Variants in RAB3IL1 observed in about 807,000 individuals in gnomAD.
RAB3IL1 encodes RAB3A interacting protein like 1.
Under a neutral mutation model 49.2 loss-of-function variants are expected in RAB3IL1, and 37 were observed. The observed-to-expected ratio is 0.75, with a 90% confidence interval of 0.58 to 0.99. The LOEUF is 0.99. Ranked by LOEUF, RAB3IL1 falls within the 50% of genes least tolerant of loss-of-function variation. The probability of loss-of-function intolerance (pLI) is 0.00; values close to 1 mark genes in which losing one functional copy is unlikely to be tolerated. For missense variants in RAB3IL1, 484 were observed against 513.0 expected (o/e 0.94, Z 0.55); for synonymous variants, 193 against 213.9 (o/e 0.90, Z 0.85).
rs1270975762 is a variant in RAB3IL1, at chr11:61,906,458, A to G, written c.657+8T>C. 4 of 1,540,520 alleles carry G rather than the reference A, an allele frequency of 2.6e-6. No homozygotes were observed. In the Admixed American group the frequency reaches 7.9e-5, roughly 30 times the overall value. ...TCCCCGTGCCCAGAGCCCGCTTCCC[A>G]CCCTCACCTCCTTGCCCTCTCTGTC... is the stretch of plus-strand genomic sequence containing the variant. On this transcript the variant is annotated splice_region_variant and intron_variant, in intron 5 of 9. Transcript: ENST00000394836. The surrounding 1 kb of genome is among the most constrained non-coding windows in gnomAD (Gnocchi z 4.6).
intron 1 of RAB3IL1, among the ~76,000 whole-genome samples, chr11:61,913,441 G>C (rs984281853): frequency 1.3e-5 from 2 of 152,154 alleles, no homozygotes; most frequent in Admixed American, 6.5e-5. Context: ...GAGAAGGTCA[G>C]GAACAGCTGG....
Position 61,897,336 on chromosome 11 carries a change from C to T in RAB3IL1, c.*942G>A, listed in dbSNP as rs74780767. On this transcript the variant is annotated 3_prime_UTR_variant, in exon 10 of 10. Coordinates refer to ENST00000394836, the MANE Select transcript of RAB3IL1 (RefSeq NM_013401.4). ...GCCTGCCTTTATTAAATAGAGATCGCGTTACATTCCATCCAAAGAAGGAAA... is the reference window on the plus strand; with the variant it reads ...GCCTGCCTTTATTAAATAGAGATCGTGTTACATTCCATCCAAAGAAGGAAA... 5.4e-3 allele frequency: 820 copies of T among 152,858 alleles called. 14 individuals carry two copies. The highest frequency in any genetic ancestry group is 0.019 in the African/African-American group (780 of 41,562). The allele number at this position is 152,858 out of a possible 1,614,324, so 9.5% of individuals were successfully genotyped here.
chr11:61,903,063 C>A (rs761505913), intron 7 of RAB3IL1, among the ~76,000 whole-genome samples: 2 of 152,136 alleles, frequency 1.3e-5, no homozygotes, highest in Admixed American at 6.6e-5. Flanking sequence ...CTCCTCCCCC[C>A]AGTCCTGCAT....
chr11:61,927,477 G>C, the RAB3IL1 span, among the ~76,000 whole-genome samples: 1 of 152,166 alleles, frequency 6.6e-6, no homozygotes, highest in Non-Finnish European at 1.5e-5. Flanking sequence ...TAGACTTAAG[G>C]TTAGGAGTCT....
At chr11:61,903,649 G>A (rs1030946544) in intron 7 of RAB3IL1, among the ~76,000 whole-genome samples, 2 of 151,810 alleles carry the variant, frequency 1.3e-5, no homozygotes, top group Admixed American at 1.3e-4. Context: ...TCAGCCTCCC[G>A]AGCAGCTGAG....
chr11:61,900,710 T>G (rs1054634222), intron 8 of RAB3IL1, among the ~76,000 whole-genome samples: 1 of 152,152 alleles, frequency 6.6e-6, no homozygotes, highest in African/African-American at 2.4e-5. Context: ...CCCACATGTC[T>G]TGGTCTTTCA....
At position 61,902,538 on chromosome 11, in the gene RAB3IL1, T is replaced by A. The variant is rs527256903; in HGVS notation, c.903A>T (p.Thr301=). The change falls in exon 8 of 10, where the codon ACA becomes ACT. Residue 301 remains threonine (T), a synonymous_variant. Transcript: ENST00000394836. ...TGCGGGTCAGCCCGCTCAGGGCACA[T>A]GTGCTAGGGGAAAGCAAAATGGGTC... The part of the protein sequence containing the change: ...VAEVDCSSTN[T]CALSGLTRTC... The A allele has an allele frequency of 1.9e-6, 3 of 1,596,602 alleles. No homozygotes were observed. The highest frequency in any genetic ancestry group is 1.3e-5 in the African/African-American group (1 of 74,872).
At chr11:61,918,133 T>G (rs540939986), upstream of RAB3IL1, among the ~76,000 whole-genome samples, 8 of 152,118 alleles carry the variant, frequency 5.3e-5, no homozygotes, top group African/African-American at 1.9e-4. Context: ...TGGATAGTAT[T>G]CCCCACCCCA....
intron 2 of RAB3IL1, 127 bp from the exon 3 acceptor site, chr11:61,907,787 T>C: frequency 1.0e-6 from 1 of 956,232 alleles, no homozygotes; most frequent in Non-Finnish European, 1.6e-6. Flanking sequence ...TTATTTCCTC[T>C]GGTGCCTGAC....
Position 61,909,355 on chromosome 11 carries a change from C to T in RAB3IL1, c.12-1049G>A, listed in dbSNP as rs1281553254. ...AGGCAAGTCTGTGGACCAGTCTCCC[C>T]TCCCTGTCCTCAGGACCTTGGGAAG... On this transcript the variant is annotated intron_variant, in intron 1 of 9. Coordinates refer to ENST00000394836, the MANE Select transcript of RAB3IL1 (RefSeq NM_013401.4). 2.0e-5 allele frequency among the ~76,000 whole-genome samples: 3 copies of T among 152,150 alleles called. No individual in the cohort carries two copies. The East Asian group carries it at 5.8e-4, about 29-fold the overall frequency.
At position 61,898,412 on chromosome 11, in the gene RAB3IL1, G is replaced by A. The variant is rs776670145; in HGVS notation, c.1067-52C>T. 1 of 1,504,848 alleles carries A rather than the reference G, an allele frequency of 6.6e-7. No homozygotes were observed. Among genetic ancestry groups the A allele is most frequent in the Non-Finnish European group, 9.2e-7 (1 of 1,084,472 alleles). The allele number at this position is 1,504,848 out of a possible 1,614,324, so 93.2% of individuals were successfully genotyped here. A position where few individuals can be genotyped will look rare whatever the true frequency, so the allele number is the denominator to read the frequency against. Reference sequence around the variant, plus strand: ...TCGGGGACAGCTCAGGGTCACCTCGGGCAGATGGCCAGGTCCCCTCCTGTG... The same window carrying A: ...TCGGGGACAGCTCAGGGTCACCTCGAGCAGATGGCCAGGTCCCCTCCTGTG... On this transcript the variant is annotated intron_variant, in intron 9 of 9. Transcript: ENST00000394836. This position sits in a 1 kb window ranked among gnomAD's most constrained non-coding sequence, Gnocchi z 5.1.
chr11:61,926,476 T>TG, the RAB3IL1 span, among the ~76,000 whole-genome samples: 63 of 152,310 alleles, frequency 4.1e-4, no homozygotes, highest in Non-Finnish European at 8.2e-4. Context: ...GTGGGCCTTG[T>TG]GGGAGGTGTT....
chr11:61,934,293 G>A, the RAB3IL1 span, among the ~76,000 whole-genome samples: 1 of 144,684 alleles, frequency 6.9e-6, no homozygotes, highest in East Asian at 2.0e-4. Context: ...ACAAGTATGA[G>A]CCACTGTGCC....
chr11:61,930,628 A>G, the RAB3IL1 span, among the ~76,000 whole-genome samples: 1 of 152,052 alleles, frequency 6.6e-6, no homozygotes, highest in African/African-American at 2.4e-5. Context: ...AAAATCAAAA[A>G]TTAGCCAGGC....
At chr11:61,903,932 C>A (rs1431845251) in intron 7 of RAB3IL1, among the ~76,000 whole-genome samples, 1 of 152,014 alleles carries the variant, frequency 6.6e-6, no homozygotes, top group African/African-American at 2.4e-5. Flanking sequence ...AATTCCCTGT[C>A]CCCCCACTGC....
chr11:61,907,768 G>C lies in RAB3IL1; in HGVS notation c.265-108C>G, dbSNP rs1591228097. The C allele has an allele frequency of 5.7e-6, 6 of 1,060,888 alleles. No homozygotes were observed. The East Asian group carries it at 1.5e-4, about 27-fold the overall frequency. 65.7% of individuals were successfully genotyped at this position (1,060,888 alleles called of 1,614,324 possible). On this transcript the variant is annotated intron_variant, in intron 2 of 9. Transcript: ENST00000394836. ...CCATCCCCTCGTCATTTTATGTGGG[G>C]CTCAGAGTTTATTTCCTCTGGTGCC...
In RAB3IL1 at chr11:61,907,557, C is replaced by A; in HGVS notation, c.360+8G>T. ...TCCCCAAGTTGTTCCCGCGCCCAGC[C>A]GGTGTACCTCAAACAGGCTGGCCGT... On this transcript the variant is annotated splice_region_variant and intron_variant, in intron 3 of 9. Coordinates refer to ENST00000394836, the MANE Select transcript of RAB3IL1 (RefSeq NM_013401.4). 6.2e-7 allele frequency: 1 copy of A among 1,614,080 alleles called. No homozygotes were observed. Among genetic ancestry groups the A allele is most frequent in the Non-Finnish European group, 8.5e-7 (1 of 1,179,978 alleles).
In RAB3IL1 at chr11:61,899,396, G is replaced by T; in HGVS notation, c.1000-16C>A. 1 of 1,606,720 alleles carries T rather than the reference G, an allele frequency of 6.2e-7. No individual in the cohort carries two copies. ...CTGCGGTGATCTGTGGGCAGAGGTG[G>T]GGACGGTGTGACCTGCCAGCCCCAC... On this transcript the variant is annotated splice_polypyrimidine_tract_variant and intron_variant, in intron 8 of 9. Transcript: ENST00000394836.
chr11:61,921,040 C>T (rs914704716), upstream of RAB3IL1, among the ~76,000 whole-genome samples: 1 of 151,506 alleles, frequency 6.6e-6, no homozygotes, highest in African/African-American at 2.4e-5. Context: ...TTTAATTTTT[C>T]AAGGCAGGGT....
Sources: allele counts gnomAD v4.1 joint callset (sites outside exome capture counted in the v4.1 genomes callset), GRCh38; gene constraint gnomAD v4.1.1; non-coding constraint Gnocchi (gnomAD v3.1); transcripts MANE v1.5; gene names NCBI Gene and HGNC (gene_info 2026-07-23, HGNC 2026-07-21).